Variants in NRG1 observed in about 807,000 individuals in gnomAD.
NRG1 encodes the protein pro-neuregulin-1, membrane-bound isoform.
NRG1 carries 18 observed loss-of-function variants against 63.8 expected under a neutral mutation model. That is an observed-to-expected ratio of 0.28 (90% CI 0.19 to 0.42). The LOEUF is 0.42. Ranked by LOEUF, NRG1 falls within the 10% of genes least tolerant of loss-of-function variation. NRG1 has a pLI of 1.00. For missense variants in NRG1, 762 were observed against 814.7 expected (o/e 0.94, Z 0.79); for synonymous variants, 302 against 301.3 (o/e 1.00, Z -0.02).
At chr8:32,658,693 A>G (rs1589034477) in intron 5 of NRG1, among the ~76,000 whole-genome samples, 1 of 152,336 alleles carries the variant, frequency 6.6e-6, no homozygotes, top group East Asian at 1.9e-4. Context: ...TGATATTTTC[A>G]TCTCTTCTAG....
chr8:31,846,778 C>T (rs542234619), intron 1 of NRG1, among the ~76,000 whole-genome samples: 2 of 152,170 alleles, frequency 1.3e-5, no homozygotes, highest in South Asian at 4.1e-4. Context: ...CTTTTAGTGG[C>T]GATTTCCTAG....
intron 5 of NRG1, chr8:32,722,133 T>A: frequency 9.2e-7 from 1 of 1,088,610 alleles, no homozygotes; most frequent in Non-Finnish European, 1.3e-6. Context: ...GCAAATGGCG[T>A]AGAGTTATTT....
chr8:32,282,284 C>A (rs932744740), intron 1 of NRG1, among the ~76,000 whole-genome samples: 3 of 152,154 alleles, frequency 2.0e-5, no homozygotes, highest in Non-Finnish European at 2.9e-5. Context: ...CTCTCTGTTT[C>A]AAGAGAAGAC....
intron 1 of NRG1, among the ~76,000 whole-genome samples, chr8:31,643,855 A>G (rs936002379): frequency 3.3e-5 from 5 of 152,228 alleles, no homozygotes; most frequent in African/African-American, 1.2e-4. Context: ...AGGAGTACAA[A>G]CACTGAGGTT....
chr8:32,255,911 T>A (rs1222460083), intron 1 of NRG1, among the ~76,000 whole-genome samples: 2 of 152,196 alleles, frequency 1.3e-5, no homozygotes. Flanking sequence ...TTGTTCCTTT[T>A]CATTCTTTTT....
intron 1 of NRG1, among the ~76,000 whole-genome samples, chr8:32,218,147 C>G (rs1239191637): frequency 6.6e-6 from 1 of 152,132 alleles, no homozygotes; most frequent in East Asian, 1.9e-4. Flanking sequence ...TTGCTGTCTC[C>G]TTACATATTT....
chr8:32,025,946 A>C (rs1247063720), intron 1 of NRG1, among the ~76,000 whole-genome samples: 1 of 145,836 alleles, frequency 6.9e-6, no homozygotes, highest in Non-Finnish European at 1.5e-5. Context: ...ACTCCGTCTA[A>C]AAAAAAAAAA....
chr8:32,120,982 G>A (rs1363404032), intron 1 of NRG1, among the ~76,000 whole-genome samples: 2 of 151,978 alleles, frequency 1.3e-5, no homozygotes, highest in African/African-American at 4.8e-5. Context: ...CACTTCGCCT[G>A]CTGAGATTTG....
At chr8:31,649,355 AG>A (rs1804618709) in intron 1 of NRG1, among the ~76,000 whole-genome samples, 1 of 152,182 alleles carries the variant, frequency 6.6e-6, no homozygotes, top group Non-Finnish European at 1.5e-5. Flanking sequence ...CAAGGGTTCC[AG>A]TTTTTCCACA....
intron 1 of NRG1, among the ~76,000 whole-genome samples, chr8:32,456,375 A>G (rs964954562): frequency 4.6e-5 from 7 of 152,138 alleles, no homozygotes; most frequent in Non-Finnish European, 7.4e-5. Context: ...AGGACCTGAG[A>G]CAAGTAGACA....
intron 1 of NRG1, among the ~76,000 whole-genome samples, chr8:32,259,826 T>C (rs539857989): frequency 6.6e-6 from 1 of 152,216 alleles, no homozygotes; most frequent in Non-Finnish European, 1.5e-5. Flanking sequence ...ATTACTTATG[T>C]GGACTTTTAT....
chr8:32,409,671 AGC>A (rs2129485307), intron 1 of NRG1, among the ~76,000 whole-genome samples: 1 of 152,346 alleles, frequency 6.6e-6, no homozygotes, highest in East Asian at 1.9e-4. Context: ...AAGTGAACAG[AGC>A]AGGTACAGTT....
At chr8:32,295,566 T>C (rs1002768817) in intron 1 of NRG1, among the ~76,000 whole-genome samples, 3 of 152,198 alleles carry the variant, frequency 2.0e-5, no homozygotes, top group East Asian at 1.9e-4. Flanking sequence ...TCATTTAAAC[T>C]ATGTTCTTTG....
intron 1 of NRG1, among the ~76,000 whole-genome samples, chr8:31,917,559 G>C (rs1398303341): frequency 6.6e-6 from 1 of 151,782 alleles, no homozygotes; most frequent in Non-Finnish European, 1.5e-5. Flanking sequence ...TGTTCCATTG[G>C]TCTATATCTC....
rs1385324736 is a variant in NRG1 at position 31,736,999 on chromosome 8, T to G, written c.37+97568T>G. 2.0e-5 allele frequency among the ~76,000 whole-genome samples: 3 copies of G among 152,130 alleles called. No homozygotes were observed. In the East Asian group the frequency reaches 5.8e-4, roughly 29 times the overall value. Reference sequence around the variant, plus strand: ...ATACATGGTTTTGGTTCTGCCTCTTTCCAGTCGCAGACATCACTGTGAGAT... The same window carrying G: ...ATACATGGTTTTGGTTCTGCCTCTTGCCAGTCGCAGACATCACTGTGAGAT... On this transcript the variant is annotated intron_variant, in intron 1 of 10. Transcript: ENST00000519301.
At chr8:32,548,591 C>A in exon 1 of NRG1, 1 of 1,339,968 alleles carries the variant, frequency 7.5e-7, no homozygotes, top group African/African-American at 1.5e-5. Context: ...GACGCCCCCG[C>A]GCAGCGCGAG....
intron 1 of NRG1, among the ~76,000 whole-genome samples, chr8:32,479,573 A>C (rs1824967934): frequency 6.6e-6 from 1 of 152,182 alleles, no homozygotes; most frequent in South Asian, 2.1e-4. Context: ...AAAGGGGCTT[A>C]GTGCAAATGT....
intron 1 of NRG1, among the ~76,000 whole-genome samples, chr8:32,072,283 GAA>G (rs765907624): frequency 8.7e-5 from 11 of 125,816 alleles, no homozygotes; most frequent in Non-Finnish European, 1.2e-4. Flanking sequence ...CCTTGTGATT[GAA>G]AAAAAAAAAA....
At chr8:31,783,449 C>T (rs995593636) in intron 1 of NRG1, among the ~76,000 whole-genome samples, 1 of 152,054 alleles carries the variant, frequency 6.6e-6, no homozygotes, top group Non-Finnish European at 1.5e-5. Context: ...CCCCCAGCCA[C>T]TGGAAAGAGA....
Sources: gnomAD v4.1 joint callset for allele counts (sites outside exome capture counted in the v4.1 genomes callset) on GRCh38, gnomAD v4.1.1 for gene constraint, MANE v1.5 for transcripts, NCBI Gene and HGNC (gene_info 2026-07-23, HGNC 2026-07-21) for gene names.